LRP1B: variants seen among roughly 807,000 people sequenced by gnomAD.
LRP1B encodes the protein low-density lipoprotein receptor-related protein 1B.
In LRP1B, 217 loss-of-function variants were observed where a neutral mutation model predicts 556.6. The observed-to-expected ratio is 0.39, with a 90% CI of 0.35 to 0.44. The LOEUF is 0.44. Ranked by LOEUF, LRP1B falls within the 20% of genes least tolerant of loss-of-function variation. LRP1B has a pLI of 1.00. For synonymous variants in LRP1B, 2,047 were observed against 1,865.8 expected (o/e 1.10, Z -2.50); for missense variants, 5,053 against 5,620.8 (o/e 0.90, Z 3.23).
At chr2:140,338,035 A>G (rs1681184136) in intron 77 of LRP1B, among the ~76,000 whole-genome samples, 1 of 151,470 alleles carries the variant, frequency 6.6e-6, no homozygotes, top group Admixed American at 6.6e-5. Context: ...TTTAGGTCAC[A>G]TTTCTAGGGT....
chr2:140,338,462 T>C (rs1681210238), intron 77 of LRP1B, among the ~76,000 whole-genome samples: 1 of 151,714 alleles, frequency 6.6e-6, no homozygotes, highest in South Asian at 2.1e-4. Flanking sequence ...GGTGACAACA[T>C]ATTAACCTAC....
At chr2:141,328,980 T>A (rs919143295) in intron 3 of LRP1B, among the ~76,000 whole-genome samples, 25 of 152,184 alleles carry the variant, frequency 1.6e-4, no homozygotes, top group African/African-American at 6.0e-4. Flanking sequence ...AGCTTCTTTA[T>A]TAGCAATACA....
intron 18 of LRP1B, among the ~76,000 whole-genome samples, chr2:140,965,550 ATTTTC>A (rs1019593260): frequency 1.5e-3 from 32 of 21,748 alleles, no homozygotes; most frequent in African/African-American, 2.9e-3. Flanking sequence ...TTCTAAATTG[ATTTTC>A]TTTTAATTTT....
intron 3 of LRP1B, among the ~76,000 whole-genome samples, chr2:141,256,614 A>G (rs1010307187): frequency 1.3e-5 from 2 of 152,104 alleles, no homozygotes; most frequent in Admixed American, 6.5e-5. Context: ...AAGACTATGA[A>G]TCTTTGCCTA....
intron 2 of LRP1B, among the ~76,000 whole-genome samples, chr2:141,795,896 A>ATATATATATATATG: frequency 1.3e-5 from 1 of 78,358 alleles, no homozygotes; most frequent in Non-Finnish European, 2.7e-5. Flanking sequence ...ATATATATAT[A>ATATATATATATATG]TATAATCTTT....
intron 35 of LRP1B, among the ~76,000 whole-genome samples, chr2:140,730,820 T>C (rs1574291608): frequency 6.6e-6 from 1 of 152,054 alleles, no homozygotes. Flanking sequence ...GCCTCCCAAA[T>C]TGCTGAGATT....
chr2:141,408,376 C>T (rs1690717636), intron 3 of LRP1B, among the ~76,000 whole-genome samples: 1 of 151,894 alleles, frequency 6.6e-6, no homozygotes, highest in Non-Finnish European at 1.5e-5. Flanking sequence ...GATCTCCTGA[C>T]CTCGTGATCT....
intron 25 of LRP1B, among the ~76,000 whole-genome samples, chr2:140,875,241 G>A (rs1693268760): frequency 6.6e-6 from 1 of 152,144 alleles, no homozygotes; most frequent in African/African-American, 2.4e-5. Flanking sequence ...GATAAAGTAA[G>A]TCCAGTTTCT....
intron 2 of LRP1B, among the ~76,000 whole-genome samples, chr2:141,499,889 C>G (rs367833128): frequency 2.0e-5 from 3 of 151,918 alleles, no homozygotes; most frequent in African/African-American, 7.2e-5. Flanking sequence ...AATGAAGTTA[C>G]TTCTTTTTTT....
chr2:141,437,654 A>T (rs937898515), intron 3 of LRP1B, among the ~76,000 whole-genome samples: 2 of 151,980 alleles, frequency 1.3e-5, no homozygotes, highest in African/African-American at 2.4e-5. Flanking sequence ...TCTCAGGGGT[A>T]TAGTATTTTT....
At chr2:141,887,171 T>C (rs10194554) in intron 1 of LRP1B, among the ~76,000 whole-genome samples, 53,991 of 151,658 alleles carry the variant, frequency 0.36, 11,117 homozygotes, top group Admixed American at 0.48. Context: ...AATTTTTGTA[T>C]TTTTAGTAGA....
chr2:140,996,207 C>T (rs549150121), intron 15 of LRP1B, among the ~76,000 whole-genome samples: 44 of 151,996 alleles, frequency 2.9e-4, no homozygotes, highest in African/African-American at 9.2e-4. Flanking sequence ...TCTCCCAAGG[C>T]GTAAGGCATC....
At chr2:141,339,141 C>T (rs1045565139) in intron 3 of LRP1B, among the ~76,000 whole-genome samples, 1 of 152,134 alleles carries the variant, frequency 6.6e-6, no homozygotes, top group Non-Finnish European at 1.5e-5. Context: ...ACTTAACATG[C>T]TTCCTCTGGT....
At chr2:142,011,975 A>G (rs1424254939) in intron 1 of LRP1B, among the ~76,000 whole-genome samples, 2 of 152,162 alleles carry the variant, frequency 1.3e-5, no homozygotes, top group Non-Finnish European at 2.9e-5. Flanking sequence ...AAAAAGAATC[A>G]GAAGATAATA....
chr2:141,931,419 A>C (rs1218313425), intron 1 of LRP1B, among the ~76,000 whole-genome samples: 1 of 151,966 alleles, frequency 6.6e-6, no homozygotes, highest in East Asian at 1.9e-4. Context: ...ACTGGTAGGG[A>C]GGTCAGGAAA....
intron 24 of LRP1B, among the ~76,000 whole-genome samples, chr2:140,884,955 T>C (rs886478084): frequency 2.0e-5 from 3 of 152,168 alleles, no homozygotes; most frequent in African/African-American, 7.2e-5. Context: ...CTTAAACATC[T>C]GTCTGTCTCA....
chr2:140,993,182 T>C (rs942057483), intron 16 of LRP1B, among the ~76,000 whole-genome samples: 1 of 151,962 alleles, frequency 6.6e-6, no homozygotes, highest in African/African-American at 2.4e-5. Flanking sequence ...AAAAAGGACA[T>C]TTATAGAAAG....
rs553022357 is a variant in LRP1B, at chr2:141,163,348, A to G, written c.1013+25073T>C. Among the ~76,000 whole-genome samples, 15 of 152,252 alleles carry G rather than the reference A, an allele frequency of 9.9e-5. No homozygotes were observed. In the South Asian group the frequency reaches 3.1e-3, roughly 32 times the overall value. On this transcript the variant is annotated intron_variant, in intron 7 of 90. Transcript: ENST00000389484. The stretch of plus-strand genomic sequence containing the variant: ...AAGAACTAAATAAAGGGTTTACACT[A>G]TAAGATATAATTTGAGTTAATGGCA...
chr2:141,139,794 T>C (rs1338779182), intron 7 of LRP1B, among the ~76,000 whole-genome samples: 2,059 of 135,064 alleles, frequency 0.015, 47 homozygotes, highest in African/African-American at 0.058. Flanking sequence ...TGTGTGTGTG[T>C]GTGTGTGTGT....
Sources: allele counts gnomAD v4.1 joint callset (sites outside exome capture counted in the v4.1 genomes callset), GRCh38; gene constraint gnomAD v4.1.1; transcripts MANE v1.5; gene names NCBI Gene and HGNC (gene_info 2026-07-23, HGNC 2026-07-21).